SCARA5: variants seen among roughly 807,000 people sequenced by gnomAD.
SCARA5 encodes scavenger receptor class A, member 5 (putative).
Under a neutral mutation model 46.3 loss-of-function variants are expected in SCARA5, and 45 were observed. The observed-to-expected ratio is 0.97, with a 90% CI of 0.76 to 1.24. The LOEUF (loss-of-function observed/expected upper bound fraction) is 1.24. Among genes scored for constraint, SCARA5 ranks in the 50% most tolerant of loss-of-function variants. The pLI is 0.00. For synonymous variants in SCARA5, 333 were observed against 306.5 expected, an observed-to-expected ratio of 1.09 and a Z score of -0.90; for missense variants, 680 against 689.0, an observed-to-expected ratio of 0.99 and a Z score of 0.15.
At chr8:27,914,146 T>C (rs1217579763) in intron 4 of SCARA5, among the ~76,000 whole-genome samples, 2 of 152,174 alleles carry the variant, frequency 1.3e-5, no homozygotes, top group Non-Finnish European at 2.9e-5. Context: ...AAAGGGGAGT[T>C]CTGCACACAC....
In SCARA5 at chr8:27,940,377, A is replaced by C. The variant is rs569267243; in HGVS notation, c.242-18132T>G. On this transcript the variant is annotated intron_variant, in intron 3 of 8. Transcript: ENST00000354914. Reference sequence around the variant, plus strand: ...ACTGTTCTTTAAAAGGTGGACTCACAGTGCAGTAAGATCGTGGACACTTTG... The same window carrying C: ...ACTGTTCTTTAAAAGGTGGACTCACCGTGCAGTAAGATCGTGGACACTTTG... Among the ~76,000 whole-genome samples, 4 of 152,332 alleles carry C rather than the reference A, an allele frequency of 2.6e-5. No homozygotes were observed. In the East Asian group the frequency reaches 7.7e-4, roughly 29 times the overall value.
Position 27,922,117 on chromosome 8 carries a change from G to A in SCARA5, c.370C>T (p.Gln124Ter). 2 of 1,605,904 alleles carry A rather than the reference G, an allele frequency of 1.2e-6. No individual in the cohort carries two copies. The highest frequency in any genetic ancestry group is 2.7e-5 in the African/African-American group (2 of 74,852). ...QAPLQADLTE[Q>*]VWKVQDALQN... ...AGCGCGTCCTGCACCTTCCACACCT[G>A]CTCCGTCAGGTCCGCTTGCAGCGGA... The change falls in exon 4 of 9, where the codon CAG (glutamine) becomes TAG (stop). Residue 124 changes from glutamine (Q) to a stop codon, truncating the protein, a stop_gained. Coordinates refer to ENST00000354914, the MANE Select transcript of SCARA5 (RefSeq NM_173833.6). LOFTEE classifies it high-confidence loss of function.
At chr8:27,890,752 C>T (rs1806967963) in intron 7 of SCARA5, among the ~76,000 whole-genome samples, 1 of 152,254 alleles carries the variant, frequency 6.6e-6, no homozygotes, top group Non-Finnish European at 1.5e-5. Flanking sequence ...GACTTGGGGC[C>T]TGACCCTGGA....
chr8:27,936,378 C>A (rs1807857292), intron 3 of SCARA5, among the ~76,000 whole-genome samples: 1 of 151,764 alleles, frequency 6.6e-6, no homozygotes, highest in Admixed American at 6.6e-5. Context: ...CACTTGAGGT[C>A]AGGAGTTTGA....
intron 4 of SCARA5, among the ~76,000 whole-genome samples, chr8:27,913,338 G>T (rs536822357): frequency 6.6e-6 from 1 of 152,178 alleles, no homozygotes; most frequent in Non-Finnish European, 1.5e-5. Context: ...CCAGAGCCTC[G>T]AGGGGCCGAG....
intron 2 of SCARA5, among the ~76,000 whole-genome samples, chr8:27,973,893 G>C (rs1299083318): frequency 6.6e-6 from 1 of 152,216 alleles, no homozygotes; most frequent in African/African-American, 2.4e-5. Context: ...TCAAAAGATT[G>C]TATTATTCCT....
chr8:27,922,096 C>T lies in SCARA5; in HGVS notation c.391G>A (p.Ala131Thr), dbSNP rs752811201. ...LTEQVWKVQD[A>T]LQNQSDSLLA... ...AACGAGTCTGACTGGTTCTGCAGCG[C>T]GTCCTGCACCTTCCACACCTGCTCC... Residue 131 changes from alanine to threonine, a missense_variant, in exon 4 of 9, where the codon GCG becomes ACG. Coordinates refer to ENST00000354914, the MANE Select transcript of SCARA5 (RefSeq NM_173833.6). 13 of 1,602,646 alleles carry T rather than the reference C, an allele frequency of 8.1e-6. No individual in the cohort carries two copies. In the East Asian group the frequency reaches 1.8e-4, roughly 22 times the overall value.
intron 3 of SCARA5, among the ~76,000 whole-genome samples, chr8:27,960,452 A>T (rs1025685537): frequency 3.9e-5 from 6 of 152,212 alleles, no homozygotes; most frequent in Non-Finnish European, 8.8e-5. Flanking sequence ...CTGCAATTAC[A>T]GGCATGAGCC....
intron 7 of SCARA5, among the ~76,000 whole-genome samples, chr8:27,891,090 G>T (rs1214038507): frequency 6.6e-6 from 1 of 152,080 alleles, no homozygotes; most frequent in East Asian, 1.9e-4. Context: ...GTTGTTGAGG[G>T]GATCAGTGAC....
intron 7 of SCARA5, among the ~76,000 whole-genome samples, chr8:27,896,229 T>C (rs1807062254): frequency 6.6e-6 from 1 of 152,156 alleles, no homozygotes; most frequent in Non-Finnish European, 1.5e-5. Context: ...GTACACCCTG[T>C]GGGGAGGTGC....
rs2685390 is a variant in SCARA5, at chr8:27,992,644, A to G, written c.-403T>C. 0.33 allele frequency: 50,079 copies of G among 152,158 alleles called. 8,269 individuals carry two copies. Among genetic ancestry groups the G allele is most frequent in the East Asian group, 0.37 (1,885 of 5,164 alleles). The allele number at this position is 152,158 out of a possible 1,614,324, so 9.4% of individuals were successfully genotyped here. On this transcript the variant is annotated 5_prime_UTR_variant, in exon 1 of 9. Coordinates refer to ENST00000354914, the MANE Select transcript of SCARA5 (RefSeq NM_173833.6). ...CCTCTAGGTACTGCCTGAGATGCGA[A>G]CTGCAGCTGCTCTCGCCGCCAGTCC...
At chr8:27,917,582 T>A (rs1368774012) in intron 4 of SCARA5, among the ~76,000 whole-genome samples, 1 of 152,172 alleles carries the variant, frequency 6.6e-6, no homozygotes, top group Non-Finnish European at 1.5e-5. Context: ...AGACCCAATT[T>A]AGATCTTGGC....
intron 3 of SCARA5, among the ~76,000 whole-genome samples, chr8:27,963,439 A>G (rs574045011): frequency 6.6e-6 from 1 of 152,330 alleles, no homozygotes; most frequent in South Asian, 2.1e-4. Flanking sequence ...AGAAAAGCTT[A>G]GAGGTATTGG....
At chr8:27,969,519 C>T (rs906595056) in intron 2 of SCARA5, among the ~76,000 whole-genome samples, 5 of 152,082 alleles carry the variant, frequency 3.3e-5, no homozygotes, top group Admixed American at 6.5e-5. Context: ...GATGAACAGG[C>T]GGAGCACGGG....
chr8:27,928,980 A>T (rs1299796930), intron 3 of SCARA5, among the ~76,000 whole-genome samples: 1 of 152,028 alleles, frequency 6.6e-6, no homozygotes, highest in Non-Finnish European at 1.5e-5. Flanking sequence ...GGTCAGAGAC[A>T]CTCCTATAAA....
At chr8:27,921,229 G>T (rs750030508) in intron 4 of SCARA5, among the ~76,000 whole-genome samples, 4 of 152,302 alleles carry the variant, frequency 2.6e-5, no homozygotes, top group Non-Finnish European at 4.4e-5. Flanking sequence ...CAAGCTCTTG[G>T]AGGCTCCAGC....
At chr8:27,973,295 G>GA (rs1417740198) in intron 2 of SCARA5, among the ~76,000 whole-genome samples, 4 of 151,982 alleles carry the variant, frequency 2.6e-5, no homozygotes, top group African/African-American at 4.8e-5. Flanking sequence ...TGGCCAACAT[G>GA]AAAAAACCCC....
intron 3 of SCARA5, among the ~76,000 whole-genome samples, chr8:27,958,260 G>A (rs942543617): frequency 6.6e-6 from 1 of 152,218 alleles, no homozygotes; most frequent in African/African-American, 2.4e-5. Context: ...ATCTTCCATG[G>A]GAAACTCAGG....
intron 1 of SCARA5, among the ~76,000 whole-genome samples, chr8:27,988,172 G>A (rs1056821457): frequency 6.6e-6 from 1 of 152,200 alleles, no homozygotes; most frequent in African/African-American, 2.4e-5. Flanking sequence ...AAATCCAACG[G>A]GGCTGGCATG....
Sources: allele counts gnomAD v4.1 joint callset (sites outside exome capture counted in the v4.1 genomes callset), GRCh38; gene constraint gnomAD v4.1.1; transcripts MANE v1.5; gene names NCBI Gene and HGNC (gene_info 2026-07-23, HGNC 2026-07-21).